RHAG: variants seen among roughly 807,000 people sequenced by gnomAD.
RHAG encodes the protein Rh associated glycoprotein, also known as ammonium transporter Rh type A.
RHAG carries 25 observed loss-of-function variants against 42.4 expected under a neutral mutation model. The observed-to-expected ratio is 0.59, with a 90% CI of 0.43 to 0.82. RHAG has a LOEUF of 0.82. RHAG is among the 40% of genes least tolerant of loss of function. The pLI is 0.00. For missense variants in RHAG, 483 were observed against 504.6 expected (o/e 0.96, Z 0.41); for synonymous variants, 182 against 177.7 (o/e 1.02, Z -0.19).
chr6:49,623,428 AG>A (rs1258909555), intron 1 of RHAG, among the ~76,000 whole-genome samples: 2 of 152,168 alleles, frequency 1.3e-5, no homozygotes, highest in Non-Finnish European at 2.9e-5. Flanking sequence ...CCACAACTAT[AG>A]TTGTGTGGTG....
chr6:49,624,769 A>G (rs1762817362), intron 1 of RHAG, among the ~76,000 whole-genome samples: 1 of 152,196 alleles, frequency 6.6e-6, no homozygotes, highest in Non-Finnish European at 1.5e-5. Context: ...TGTACATCTA[A>G]CATCTAACAC....
chr6:49,607,263 T>G, intron 7 of RHAG, 43 bp from the exon 8 acceptor site: 1 of 1,534,388 alleles, frequency 6.5e-7, no homozygotes, highest in Non-Finnish European at 9.0e-7. Context: ...TTCCTGGATC[T>G]CAGCCAAAGA....
chr6:49,619,566 G>A (rs539388600), intron 1 of RHAG, among the ~76,000 whole-genome samples: 8 of 152,212 alleles, frequency 5.3e-5, no homozygotes, highest in Middle Eastern at 3.4e-3. Context: ...ATTCAGTGTT[G>A]GAGCTTTTTA....
At chr6:49,619,057 GCCTTC>G in intron 2 of RHAG, 117 bp downstream of exon 2, 5 of 1,047,266 alleles carry the variant, frequency 4.8e-6, no homozygotes, top group Non-Finnish European at 7.3e-6. Flanking sequence ...TAAACACTCT[GCCTTC>G]ATGACCTGGT....
intron 1 of RHAG, among the ~76,000 whole-genome samples, chr6:49,621,501 G>C (rs1762759201): frequency 6.6e-6 from 1 of 152,092 alleles, no homozygotes; most frequent in Admixed American, 6.5e-5. Flanking sequence ...TGATCCTTAA[G>C]GTGTTGATTC....
chr6:49,633,694 G>T (rs947844394), intron 1 of RHAG, among the ~76,000 whole-genome samples: 3 of 152,108 alleles, frequency 2.0e-5, no homozygotes, highest in Non-Finnish European at 4.4e-5. Flanking sequence ...TAGGTGCATA[G>T]GAGACAAGTT....
intron 1 of RHAG, among the ~76,000 whole-genome samples, chr6:49,622,375 C>G (rs766866725): frequency 3.3e-5 from 5 of 152,074 alleles, no homozygotes; most frequent in African/African-American, 4.8e-5. Context: ...GGCCACCATG[C>G]CGGACTTGGT....
intron 1 of RHAG, among the ~76,000 whole-genome samples, chr6:49,626,133 C>A (rs1762840341): frequency 6.6e-6 from 1 of 152,170 alleles, no homozygotes; most frequent in South Asian, 2.1e-4. Flanking sequence ...ATCTCATGTT[C>A]TTGCATTTCA....
At chr6:49,633,254 G>A (rs9463529) in intron 1 of RHAG, among the ~76,000 whole-genome samples, 32,998 of 152,038 alleles carry the variant, frequency 0.22, 3,810 homozygotes, top group African/African-American at 0.29. Context: ...ACTTCTTGGG[G>A]AGGAACCGAG....
At chr6:49,606,763 C>T (rs1762475104) in intron 9 of RHAG, 85 bp downstream of exon 9, 3 of 927,504 alleles carry the variant, frequency 3.2e-6, no homozygotes, top group Non-Finnish European at 5.3e-6. Flanking sequence ...CACACCTATG[C>T]ACACAGATAT....
Position 49,606,923 on chromosome 6 carries a change from T to C in RHAG, c.1139-2A>G, listed in dbSNP as rs2127349270. 1 of 1,606,670 alleles carries C rather than the reference T, an allele frequency of 6.2e-7. No individual in the cohort carries two copies. The highest frequency in any genetic ancestry group is 8.5e-7 in the Non-Finnish European group (1 of 1,173,338). ...AGAGAGGCAACTTTAGAATTAAACC[T>C]GTGACGGTAGAGGGAAAATGAGTCA... On this transcript the variant is annotated splice_acceptor_variant, in intron 8 of 9. Coordinates refer to ENST00000371175, the MANE Select transcript of RHAG (RefSeq NM_000324.3). LOFTEE classifies it high-confidence loss of function.
chr6:49,612,075 G>A (rs1326249828), intron 6 of RHAG, among the ~76,000 whole-genome samples: 1 of 152,030 alleles, frequency 6.6e-6, no homozygotes, highest in Non-Finnish European at 1.5e-5. Flanking sequence ...TAAAAGAGCA[G>A]AGTCCTTAAT....
In RHAG at chr6:49,611,110, T is replaced by C. The variant is rs1264941882; in HGVS notation, c.981A>G (p.Thr327=). The change falls in exon 7 of 10, where the codon ACA becomes ACG. Residue 327 remains threonine, a synonymous_variant. Transcript: ENST00000371175. Reference sequence around the variant, plus strand: ...AGCCGTGGAGGTTATGGACCCCACATGTATCATGGATCCTCAGTTTAGTAG... The same window carrying C: ...AGCCGTGGAGGTTATGGACCCCACACGTATCATGGATCCTCAGTTTAGTAG... The part of the protein sequence containing the change: ...LFTTKLRIHD[T]CGVHNLHGLP... 3 of 1,613,624 alleles carry C rather than the reference T, an allele frequency of 1.9e-6. No individual in the cohort carries two copies. The highest frequency in any genetic ancestry group is 4.5e-5 in the East Asian group (2 of 44,864).
chr6:49,605,512 C>T lies in RHAG; in HGVS notation c.*301G>A, dbSNP rs1774145677. ...GACATGTTTACTCTGTATTTACTCA[C>T]TGCCAAAAGCTTTTTGGGAATCCTG... On this transcript the variant is annotated 3_prime_UTR_variant, in exon 10 of 10. Coordinates refer to ENST00000371175, the MANE Select transcript of RHAG (RefSeq NM_000324.3). 1 of 466,770 alleles carries T rather than the reference C, an allele frequency of 2.1e-6. No homozygotes were observed. The highest frequency in any genetic ancestry group is 3.3e-5 in the Admixed American group (1 of 30,188). 28.9% of individuals were successfully genotyped at this position (466,770 alleles called of 1,614,324 possible). A position where few individuals can be genotyped will look rare whatever the true frequency, so the allele number is the denominator to read the frequency against.
chr6:49,611,692 A>G (rs968921874), intron 6 of RHAG, among the ~76,000 whole-genome samples: 2 of 151,438 alleles, frequency 1.3e-5, no homozygotes, highest in African/African-American at 4.9e-5. Context: ...GAAAGGAATC[A>G]TTTCACATTC....
At chr6:49,634,757 AGTAGT>A (rs1335026210) in intron 1 of RHAG, among the ~76,000 whole-genome samples, 1 of 152,120 alleles carries the variant, frequency 6.6e-6, no homozygotes, top group Non-Finnish European at 1.5e-5. Context: ...TGTTTTTACA[AGTAGT>A]GTAGAAGAGC....
In RHAG at chr6:49,619,231, C is replaced by T. The variant is rs146435416; in HGVS notation, c.289G>A (p.Val97Ile). 9 of 1,613,992 alleles carry T rather than the reference C, an allele frequency of 5.6e-6. No homozygotes were observed. The highest frequency in any genetic ancestry group is 7.6e-6 in the Non-Finnish European group (9 of 1,179,994). Reference protein sequence around the residue: ...AALGLQWGTIVQGILQSQGQK... With the variant: ...AALGLQWGTIIQGILQSQGQK... ...CCCTGGCTTTGCAGGATTCCCTGTA[C>T]AATAGTGCCCCACTGGAGGCCCAAA... Residue 97 changes from valine to isoleucine, a missense_variant, in exon 2 of 10, where the codon GTA becomes ATA. Transcript: ENST00000371175.
In RHAG at chr6:49,611,242, GAAA is replaced by G. The variant is rs1581937744; in HGVS notation, c.946-100_946-98del. 5 of 930,716 alleles carry G rather than the reference GAAA, an allele frequency of 5.4e-6. No individual in the cohort carries two copies. In the East Asian group the frequency reaches 1.0e-4, roughly 19 times the overall value. The allele number at this position is 930,716 out of a possible 1,614,324, so 57.7% of individuals were successfully genotyped here. A position where few individuals can be genotyped will look rare whatever the true frequency, so the allele number is the denominator to read the frequency against. Reference sequence around the variant, plus strand: ...TAGCTGGGCTCTATTCTTCCATGGAGAAAAAGTATTTTATAAATAATTTTTATG... The same window carrying G: ...TAGCTGGGCTCTATTCTTCCATGGAGAAGTATTTTATAAATAATTTTTATG... On this transcript the variant is annotated intron_variant, in intron 6 of 9. Coordinates refer to ENST00000371175, the MANE Select transcript of RHAG (RefSeq NM_000324.3).
At chr6:49,621,861 C>T (rs1484214388) in intron 1 of RHAG, among the ~76,000 whole-genome samples, 1 of 152,006 alleles carries the variant, frequency 6.6e-6, no homozygotes, top group African/African-American at 2.4e-5. Context: ...GCATTTAGGT[C>T]AGGACACTGA....
Sources: allele counts gnomAD v4.1 joint callset (sites outside exome capture counted in the v4.1 genomes callset), GRCh38; gene constraint gnomAD v4.1.1; transcripts MANE v1.5; gene names NCBI Gene and HGNC (gene_info 2026-07-23, HGNC 2026-07-21).